The following EVA1C variants were observed in gnomAD, a reference collection of about 807,000 sequenced individuals.
The protein encoded by EVA1C is eva-1 homolog C, also known as protein eva-1 homolog C.
In EVA1C, 25 loss-of-function variants were observed where a neutral mutation model predicts 45.4. That is an observed-to-expected ratio of 0.55 (90% CI 0.40 to 0.77). EVA1C has a LOEUF of 0.77. Ranked by LOEUF, EVA1C falls within the 30% of genes least tolerant of loss-of-function variation. The pLI is 0.00. For missense variants in EVA1C, 479 were observed against 554.8 expected (o/e 0.86, Z 1.37); for synonymous variants, 190 against 221.2 (o/e 0.86, Z 1.25).
rs148288074 is a variant in EVA1C, at chr21:32,482,225, C to A, written c.635-12802C>A. On this transcript the variant is annotated intron_variant, in intron 4 of 7. Transcript: ENST00000300255. ...AGCTGCCACAGATGGTCTTCCGGGA[C>A]CTTAAACACAGATTTTTCACACAAG... is the stretch of plus-strand genomic sequence containing the variant. 1.1e-4 allele frequency among the ~76,000 whole-genome samples: 16 copies of A among 152,274 alleles called. No individual in the cohort carries two copies. In the East Asian group the frequency reaches 2.1e-3, roughly 20 times the overall value.
intron 1 of EVA1C, among the ~76,000 whole-genome samples, chr21:32,443,000 A>C (rs977579803): frequency 4.6e-5 from 3 of 65,150 alleles, no homozygotes; most frequent in East Asian, 5.8e-4. Context: ...GAGGGAGGGA[A>C]GGAGGGAGGG....
intron 1 of EVA1C, among the ~76,000 whole-genome samples, chr21:32,440,888 G>A (rs1239856085): frequency 6.6e-6 from 1 of 152,122 alleles, no homozygotes; most frequent in African/African-American, 2.4e-5. Context: ...ATCACCTGAG[G>A]TCGGAAGTTT....
intron 1 of EVA1C, among the ~76,000 whole-genome samples, chr21:32,413,407 C>T (rs2033910457): frequency 6.6e-6 from 1 of 152,212 alleles, no homozygotes; most frequent in South Asian, 2.1e-4. Flanking sequence ...CCCGCGTAGC[C>T]CGTTTGCCCA....
At chr21:32,510,941 G>C (rs1394056138) in intron 7 of EVA1C, among the ~76,000 whole-genome samples, 2 of 152,206 alleles carry the variant, frequency 1.3e-5, no homozygotes. Flanking sequence ...TAAGGAGGCT[G>C]AGGTGAGAAG....
intron 4 of EVA1C, chr21:32,493,650 G>A (rs1465587707): frequency 1.3e-5 from 2 of 152,286 alleles, no homozygotes; most frequent in Non-Finnish European, 2.9e-5. Context: ...ACGTCCTGCT[G>A]ACAGTGATTC....
chr21:32,449,012 G>A (rs1302608211), intron 1 of EVA1C, among the ~76,000 whole-genome samples: 2 of 142,612 alleles, frequency 1.4e-5, no homozygotes, highest in African/African-American at 3.0e-5. Flanking sequence ...GGGAGGGTGG[G>A]AAGGAAGGAA....
At position 32,457,507 on chromosome 21, in the gene EVA1C, C is replaced by T. The variant is rs150529086; in HGVS notation, c.358-90C>T. The T allele has an allele frequency of 5.5e-5, 85 of 1,545,572 alleles. No homozygotes were observed. The African/African-American group carries it at 1.1e-3, about 20-fold the overall frequency. On this transcript the variant is annotated intron_variant, in intron 2 of 7. Coordinates refer to ENST00000300255, the MANE Select transcript of EVA1C (RefSeq NM_058187.5). The stretch of plus-strand genomic sequence containing the variant: ...TGGCCAGGTGGGGAGGCGTCCTTCC[C>T]TTTGCAGAGCCCAGAGCAGCCCAGG...
At chr21:32,459,189 C>G (rs2035904360) in intron 3 of EVA1C, among the ~76,000 whole-genome samples, 1 of 152,144 alleles carries the variant, frequency 6.6e-6, no homozygotes, top group South Asian at 2.1e-4. Flanking sequence ...CACACTCAAA[C>G]ACATACAAGC....
intron 1 of EVA1C, among the ~76,000 whole-genome samples, chr21:32,435,549 G>A (rs1365272172): frequency 6.6e-6 from 1 of 152,182 alleles, no homozygotes; most frequent in Non-Finnish European, 1.5e-5. Flanking sequence ...CTTCAGGGCT[G>A]GATTTCCTAG....
chr21:32,466,626 C>G (rs1156950512), intron 3 of EVA1C, among the ~76,000 whole-genome samples: 1 of 152,056 alleles, frequency 6.6e-6, no homozygotes, highest in Non-Finnish European at 1.5e-5. Flanking sequence ...TCTTTGGGAA[C>G]AAAGCACTAC....
In EVA1C at chr21:32,476,660, A is replaced by G. The variant is rs1189781247; in HGVS notation, c.634+8812A>G. Among the ~76,000 whole-genome samples, 3 of 152,018 alleles carry G rather than the reference A, an allele frequency of 2.0e-5. No homozygotes were observed. In the East Asian group the frequency reaches 5.8e-4, roughly 29 times the overall value. On this transcript the variant is annotated intron_variant, in intron 4 of 7. Transcript: ENST00000300255. ...CCGTCTCAAAATAATAATAATAATA[A>G]TAAGTTCAAGAGGAAGAGGGTGGAG...
chr21:32,413,339 G>A (rs764309173), intron 1 of EVA1C, among the ~76,000 whole-genome samples: 12 of 152,220 alleles, frequency 7.9e-5, no homozygotes, highest in Non-Finnish European at 1.8e-4. Flanking sequence ...GCCCTGTGCC[G>A]CGCCCAGCGC....
At chr21:32,470,346 G>C (rs2036324946) in intron 4 of EVA1C, among the ~76,000 whole-genome samples, 1 of 152,196 alleles carries the variant, frequency 6.6e-6, no homozygotes, top group Admixed American at 6.5e-5. Flanking sequence ...TGTCGAGAAT[G>C]GTGGAGGGTC....
At chr21:32,478,757 T>C (rs539171108) in intron 4 of EVA1C, among the ~76,000 whole-genome samples, 1 of 152,388 alleles carries the variant, frequency 6.6e-6, no homozygotes, top group East Asian at 1.9e-4. Context: ...GTGCCCCCTG[T>C]CTGGGCATCC....
At chr21:32,453,782 CT>C (rs2035677008) in intron 2 of EVA1C, among the ~76,000 whole-genome samples, 1 of 152,200 alleles carries the variant, frequency 6.6e-6, no homozygotes, top group South Asian at 2.1e-4. Flanking sequence ...TTACTCCTTA[CT>C]TTAGTATAGC....
At chr21:32,504,078 T>C in intron 7 of EVA1C, 63 bp downstream of exon 7, 5 of 1,188,176 alleles carry the variant, frequency 4.2e-6, no homozygotes, top group East Asian at 2.4e-5. Context: ...TGTTAATAAA[T>C]GTGCTGTTCA....
chr21:32,492,080 T>C (rs2037178750), intron 4 of EVA1C, among the ~76,000 whole-genome samples: 1 of 151,982 alleles, frequency 6.6e-6, no homozygotes, highest in Admixed American at 6.6e-5. Context: ...TTCAAAAATA[T>C]ATCAGAATTT....
chr21:32,436,782 G>C (rs955741686), intron 1 of EVA1C, among the ~76,000 whole-genome samples: 1 of 152,230 alleles, frequency 6.6e-6, no homozygotes, highest in African/African-American at 2.4e-5. Flanking sequence ...CACGCCATGG[G>C]GAGTGTGGTG....
intron 1 of EVA1C, among the ~76,000 whole-genome samples, chr21:32,415,923 T>C (rs2034019698): frequency 6.6e-6 from 1 of 152,230 alleles, no homozygotes; most frequent in African/African-American, 2.4e-5. Flanking sequence ...TTCTCTTCAT[T>C]TGACTGCATT....
Sources: allele counts gnomAD v4.1 joint callset (sites outside exome capture counted in the v4.1 genomes callset), GRCh38; gene constraint gnomAD v4.1.1; transcripts MANE v1.5; gene names NCBI Gene and HGNC (gene_info 2026-07-23, HGNC 2026-07-21).